The following TRPC4 variants were observed in gnomAD, a reference collection of about 807,000 sequenced individuals.
TRPC4 encodes transient receptor potential cation channel subfamily C member 4.
In TRPC4, 49 loss-of-function variants were observed where a neutral mutation model predicts 99.4. The observed-to-expected ratio is 0.49, with a 90% CI of 0.39 to 0.63. The LOEUF (loss-of-function observed/expected upper bound fraction) is 0.63. Ranked by LOEUF, TRPC4 falls within the 20% of genes least tolerant of loss-of-function variation. The probability of loss-of-function intolerance (pLI) is 0.00; values close to 1 mark genes in which losing one functional copy is unlikely to be tolerated. For synonymous variants in TRPC4, 454 were observed against 425.9 expected (o/e 1.07, Z -0.81); for missense variants, 898 against 1,152.9 (o/e 0.78, Z 3.20).
intron 1 of TRPC4, among the ~76,000 whole-genome samples, chr13:37,817,184 C>A (rs545357178): frequency 2.6e-5 from 4 of 152,190 alleles, no homozygotes; most frequent in Admixed American, 2.6e-4. Context: ...TCTCAGGATA[C>A]AAAATCAATG....
At chr13:37,698,154 T>A (rs759912694) in intron 3 of TRPC4, among the ~76,000 whole-genome samples, 6 of 145,320 alleles carry the variant, frequency 4.1e-5, no homozygotes, top group Admixed American at 6.9e-5. Context: ...TCAAGGTTAC[T>A]CCAAGGACTA....
chr13:37,806,499 C>T (rs957384815), intron 1 of TRPC4, among the ~76,000 whole-genome samples: 9 of 152,038 alleles, frequency 5.9e-5, no homozygotes, highest in African/African-American at 2.2e-4. Flanking sequence ...GACCTTTTAG[C>T]ATCTCACCAA....
At chr13:37,720,872 T>C (rs1396811697) in intron 3 of TRPC4, among the ~76,000 whole-genome samples, 2 of 152,332 alleles carry the variant, frequency 1.3e-5, no homozygotes, top group South Asian at 2.1e-4. Context: ...AACTTAACAA[T>C]TGGTGCAGTC....
At chr13:37,673,513 AT>A (rs1952936060) in intron 5 of TRPC4, among the ~76,000 whole-genome samples, 1 of 149,766 alleles carries the variant, frequency 6.7e-6, no homozygotes, top group South Asian at 2.1e-4. Flanking sequence ...TGAAACTTTT[AT>A]TTTTTTAAAG....
chr13:37,665,840 C>CAAAAA (rs1168472231), intron 5 of TRPC4, among the ~76,000 whole-genome samples: 29 of 70,886 alleles, frequency 4.1e-4, no homozygotes, highest in African/African-American at 9.4e-4. Context: ...TCAGCTGAGA[C>CAAAAA]AAAAAAAAAA....
intron 3 of TRPC4, among the ~76,000 whole-genome samples, chr13:37,697,823 C>T (rs930669049): frequency 3.9e-5 from 6 of 152,090 alleles, no homozygotes; most frequent in East Asian, 3.9e-4. Context: ...TGATGTCTAA[C>T]GAAATTACCT....
intron 3 of TRPC4, among the ~76,000 whole-genome samples, chr13:37,705,515 T>C (rs921862356): frequency 6.6e-6 from 1 of 152,138 alleles, no homozygotes; most frequent in Non-Finnish European, 1.5e-5. Flanking sequence ...CATTGCATAA[T>C]GTATGCACAT....
intron 2 of TRPC4, among the ~76,000 whole-genome samples, chr13:37,779,455 G>C (rs1382228486): frequency 6.6e-6 from 1 of 150,404 alleles, no homozygotes; most frequent in Non-Finnish European, 1.5e-5. Context: ...TCAATACCCT[G>C]ATTTATGAAG....
At chr13:37,751,884 G>C (rs894864640) in intron 2 of TRPC4, among the ~76,000 whole-genome samples, 5 of 151,482 alleles carry the variant, frequency 3.3e-5, no homozygotes, top group African/African-American at 1.2e-4. Context: ...CATCATGGTA[G>C]TTATCATGAG....
chr13:37,745,454 A>ATATATATATACG (rs1955717551), intron 3 of TRPC4, among the ~76,000 whole-genome samples: 1 of 3,114 alleles, frequency 3.2e-4, no homozygotes, highest in Non-Finnish European at 1.2e-3. Flanking sequence ...ATATATATAT[A>ATATATATATACG]TATATATATA....
intron 1 of TRPC4, among the ~76,000 whole-genome samples, chr13:37,834,114 T>C (rs1399689043): frequency 6.6e-6 from 1 of 152,226 alleles, no homozygotes; most frequent in Non-Finnish European, 1.5e-5. Flanking sequence ...TTCATGCCAA[T>C]AGTCTATCTG....
At chr13:37,710,647 A>G (rs1353750514) in intron 3 of TRPC4, among the ~76,000 whole-genome samples, 5 of 151,914 alleles carry the variant, frequency 3.3e-5, no homozygotes, top group African/African-American at 9.7e-5. Flanking sequence ...TACATTACTA[A>G]ATACATACTT....
At chr13:37,690,811 T>C (rs1365881575) in intron 4 of TRPC4, among the ~76,000 whole-genome samples, 1 of 101,998 alleles carries the variant, frequency 9.8e-6, no homozygotes, top group Non-Finnish European at 2.1e-5. Context: ...AAATAGGCTG[T>C]CTTTTTTTTT....
rs1392645601 is a variant in TRPC4, at chr13:37,812,476, G to A, written c.-27-29116C>T. Among the ~76,000 whole-genome samples, 5 of 151,982 alleles carry A rather than the reference G, an allele frequency of 3.3e-5. No homozygotes were observed. The East Asian group carries it at 5.8e-4, about 18-fold the overall frequency. On this transcript the variant is annotated intron_variant, in intron 1 of 10. Coordinates refer to ENST00000379705, the MANE Select transcript of TRPC4 (RefSeq NM_016179.4). ...TAAAAGTTTATTAATGATAACTACAGTATGTGAGAAGTAAAATATATTGGA... is the reference window on the plus strand; with the variant it reads ...TAAAAGTTTATTAATGATAACTACAATATGTGAGAAGTAAAATATATTGGA...
intron 2 of TRPC4, among the ~76,000 whole-genome samples, chr13:37,767,337 CAT>C (rs35539836): frequency 0.96 from 141,497 of 147,844 alleles, 67,754 homozygotes; most frequent in South Asian, 0.99. Flanking sequence ...ATAGATTCAG[CAT>C]ATATATATAT....
intron 3 of TRPC4, among the ~76,000 whole-genome samples, chr13:37,698,986 C>T (rs1333361): frequency 0.89 from 135,157 of 152,206 alleles, 60,203 homozygotes; most frequent in Middle Eastern, 0.95. Flanking sequence ...GCAAATTTAC[C>T]GTACTTTGTA....
intron 5 of TRPC4, among the ~76,000 whole-genome samples, chr13:37,670,167 T>C (rs527935935): frequency 6.6e-6 from 1 of 152,262 alleles, no homozygotes; most frequent in Non-Finnish European, 1.5e-5. Flanking sequence ...TTCCAGCCTC[T>C]GTAACTGCAA....
intron 1 of TRPC4, among the ~76,000 whole-genome samples, chr13:37,792,889 G>C (rs1457886255): frequency 2.6e-5 from 4 of 152,102 alleles, no homozygotes; most frequent in African/African-American, 7.2e-5. Flanking sequence ...TATTGCAAAT[G>C]TAAGAAAAGA....
intron 3 of TRPC4, among the ~76,000 whole-genome samples, chr13:37,699,627 A>G (rs1413002): frequency 0.33 from 49,653 of 152,082 alleles, 8,880 homozygotes; most frequent in Middle Eastern, 0.43. Context: ...CTCTTGCCCA[A>G]CAAGTGTCAA....
Sources: gnomAD v4.1 joint callset for allele counts (sites outside exome capture counted in the v4.1 genomes callset) on GRCh38, gnomAD v4.1.1 for gene constraint, MANE v1.5 for transcripts, NCBI Gene and HGNC (gene_info 2026-07-23, HGNC 2026-07-21) for gene names.